KDM4B: variants seen among roughly 807,000 people sequenced by gnomAD.
The protein encoded by KDM4B is lysine-specific demethylase 4B.
A neutral mutation model predicts 125.2 loss-of-function variants in KDM4B; 32 were observed. The ratio of observed to expected loss-of-function variants is 0.26; its 90% CI spans 0.19 to 0.34. KDM4B has a LOEUF of 0.34. Ranked by LOEUF, KDM4B falls within the 10% of genes least tolerant of loss-of-function variation. KDM4B has a pLI of 1.00. For synonymous variants in KDM4B, 721 were observed against 677.9 expected (o/e 1.06, Z -0.99); for missense variants, 1,190 against 1,577.7 (o/e 0.75, Z 4.16).
chr19:5,126,892 G>C (rs576110305), intron 11 of KDM4B, among the ~76,000 whole-genome samples: 37 of 152,374 alleles, frequency 2.4e-4, no homozygotes, highest in African/African-American at 8.9e-4. Flanking sequence ...CGAAGCTGGT[G>C]AGTTGATCTC....
At position 5,060,407 on chromosome 19, in the gene KDM4B, T is replaced by C. The variant is rs1023510721; in HGVS notation, c.627-10603T>C. 3.5e-5 allele frequency among the ~76,000 whole-genome samples: 4 copies of C among 113,552 alleles called. No homozygotes were observed. The Admixed American group carries it at 4.1e-4, about 12-fold the overall frequency. 74.5% of individuals were successfully genotyped at this position (113,552 alleles called of 152,430 possible). A position where few individuals can be genotyped will look rare whatever the true frequency, so the allele number is the denominator to read the frequency against. ...TGAGCCAAGATTGTCCCATCCAGCCTGGGTGACGGAGGAAGACTCTGTCTC... is the reference window on the plus strand; with the variant it reads ...TGAGCCAAGATTGTCCCATCCAGCCCGGGTGACGGAGGAAGACTCTGTCTC... On this transcript the variant is annotated intron_variant, in intron 6 of 22. Transcript: ENST00000159111.
chr19:5,039,347 C>T (rs1053913668), intron 3 of KDM4B, among the ~76,000 whole-genome samples: 4 of 152,086 alleles, frequency 2.6e-5, no homozygotes, highest in African/African-American at 9.7e-5. Flanking sequence ...CCCCACTACT[C>T]GGGAGGCTGA....
chr19:5,090,941 G>A (rs185469005), intron 9 of KDM4B, among the ~76,000 whole-genome samples: 1,551 of 152,126 alleles, frequency 0.01, 15 homozygotes, highest in Non-Finnish European at 0.017. Flanking sequence ...AGCTGGAGGG[G>A]TCTCCAAGGC....
chr19:4,991,589 C>T (rs2035033529), intron 1 of KDM4B, among the ~76,000 whole-genome samples: 2 of 152,242 alleles, frequency 1.3e-5, no homozygotes, highest in African/African-American at 4.8e-5. Context: ...AGGAAATTGA[C>T]ACAGGACACT....
At chr19:5,031,454 T>C (rs1195907865) in intron 2 of KDM4B, among the ~76,000 whole-genome samples, 1 of 152,204 alleles carries the variant, frequency 6.6e-6, no homozygotes, top group Non-Finnish European at 1.5e-5. Flanking sequence ...GGCTGCCCCA[T>C]GGGAGAAGCT....
At chr19:5,104,236 C>A (rs1209338276) in intron 9 of KDM4B, among the ~76,000 whole-genome samples, 1 of 152,192 alleles carries the variant, frequency 6.6e-6, no homozygotes, top group African/African-American at 2.4e-5. Flanking sequence ...TGGGCACCTG[C>A]CCCTTTCTGC....
Position 5,039,806 on chromosome 19 carries a change from G to C in KDM4B, c.142-30G>C, listed in dbSNP as rs760502389. The C allele has an allele frequency of 6.2e-6, 10 of 1,605,438 alleles. No individual in the cohort carries two copies. The East Asian group carries it at 2.0e-4, about 32-fold the overall frequency. On this transcript the variant is annotated intron_variant, in intron 3 of 22. Transcript: ENST00000159111. ...CTGGCCCTGCCCTGAGGGTCTGAGGGTGCCACTGACTCCCATCTTGGTCTT... is the reference window on the plus strand; with the variant it reads ...CTGGCCCTGCCCTGAGGGTCTGAGGCTGCCACTGACTCCCATCTTGGTCTT...
rs186421439 is a variant in KDM4B, at chr19:5,058,788, G to A, written c.626+11119G>A. 2.7e-3 allele frequency among the ~76,000 whole-genome samples: 406 copies of A among 152,338 alleles called. 1 individual carries two copies. The highest frequency in any genetic ancestry group is 9.4e-3 in the African/African-American group (390 of 41,576). ...GGAGTGGCAGTGCACACGCTGGCTC[G>A]TGTCGCTTGTGAGGCTGCAGGATTT... On this transcript the variant is annotated intron_variant, in intron 6 of 22. Transcript: ENST00000159111.
chr19:5,098,134 G>A (rs1450564380), intron 9 of KDM4B, among the ~76,000 whole-genome samples: 1 of 152,244 alleles, frequency 6.6e-6, no homozygotes, highest in Admixed American at 6.5e-5. Flanking sequence ...GGCTTCCTCA[G>A]TGTGTAGCCT....
chr19:5,066,963 C>T lies in KDM4B; in HGVS notation c.627-4047C>T, dbSNP rs532972923. Among the ~76,000 whole-genome samples the T allele has an allele frequency of 5.3e-5, 8 of 152,234 alleles. No homozygotes were observed. In the East Asian group the frequency reaches 1.4e-3, roughly 26 times the overall value. On this transcript the variant is annotated intron_variant, in intron 6 of 22. Coordinates refer to ENST00000159111, the MANE Select transcript of KDM4B (RefSeq NM_015015.3). ...CCCGGGTCCTGGGTCCTGGGTCCCG[C>T]GTCCTGCGTCCCGGCCGATGTGAGT...
chr19:4,982,716 G>A (rs1054964001), intron 1 of KDM4B, among the ~76,000 whole-genome samples: 1 of 151,742 alleles, frequency 6.6e-6, no homozygotes, highest in Non-Finnish European at 1.5e-5. Context: ...GGGTTCAAGC[G>A]ATTCTCCTGT....
rs1306487058 is a variant in KDM4B at position 5,035,234 on chromosome 19, C to T, written c.141+2203C>T. Among the ~76,000 whole-genome samples, 2 of 152,150 alleles carry T rather than the reference C, an allele frequency of 1.3e-5. No homozygotes were observed. The highest frequency in any genetic ancestry group is 1.5e-5 in the Non-Finnish European group (1 of 68,026). ...GGGCAGGTGGGACAGGCGTCGCCTC[C>T]CTTTATCCTGGCACCGCATCTGCCT... is the stretch of plus-strand genomic sequence containing the variant. On this transcript the variant is annotated intron_variant, in intron 3 of 22. Transcript: ENST00000159111. The surrounding 1 kb of genome is among the most constrained non-coding windows in gnomAD (Gnocchi z 5.3).
intron 9 of KDM4B, among the ~76,000 whole-genome samples, chr19:5,096,524 T>A (rs1157158392): frequency 6.6e-6 from 1 of 152,160 alleles, no homozygotes; most frequent in Non-Finnish European, 1.5e-5. Flanking sequence ...TCAGTGCCCC[T>A]GCCCAGACCC....
rs1347938228 is a variant in KDM4B at position 5,144,896 on chromosome 19, C to T, written c.3015C>T (p.Ile1005=). 8.7e-6 allele frequency: 14 copies of T among 1,613,240 alleles called. No individual in the cohort carries two copies. The highest frequency in any genetic ancestry group is 1.2e-5 in the Non-Finnish European group (14 of 1,179,792). Residue 1005 remains isoleucine (I), a synonymous_variant, in exon 21 of 23, where the codon ATC becomes ATT. Transcript: ENST00000159111. ...AKFISSVTSH[I]YQVEFEDGSQ... Reference sequence around the variant, plus strand: ...TCATCTCCTCCGTCACCAGCCACATCTACCAGGTAAGCGGGGGATCTGGCA... The same window carrying T: ...TCATCTCCTCCGTCACCAGCCACATTTACCAGGTAAGCGGGGGATCTGGCA...
At chr19:5,025,051 C>T (rs2036235837) in intron 2 of KDM4B, among the ~76,000 whole-genome samples, 1 of 152,242 alleles carries the variant, frequency 6.6e-6, no homozygotes, top group African/African-American at 2.4e-5. Context: ...ACTCAGAAGG[C>T]TGCTCTTGGG....
At chr19:5,065,543 C>G (rs2037741118) in intron 6 of KDM4B, among the ~76,000 whole-genome samples, 1 of 152,216 alleles carries the variant, frequency 6.6e-6, no homozygotes, top group Admixed American at 6.5e-5. Flanking sequence ...TTATTCACAT[C>G]CATCAAGCCA....
chr19:5,097,544 C>T (rs912791323), intron 9 of KDM4B, among the ~76,000 whole-genome samples: 4 of 152,212 alleles, frequency 2.6e-5, no homozygotes, highest in South Asian at 4.1e-4. Flanking sequence ...TGAGCCGCCG[C>T]GCCTGGCCTG....
intron 2 of KDM4B, among the ~76,000 whole-genome samples, chr19:5,027,024 T>C (rs2036301230): frequency 6.6e-6 from 1 of 152,202 alleles, no homozygotes; most frequent in African/African-American, 2.4e-5. Context: ...CGAGGCCTCC[T>C]TTGGCCCAGC....
chr19:4,994,020 G>GTTTTTTTTTTTTTTTTTTT (rs55641886), intron 1 of KDM4B, among the ~76,000 whole-genome samples: 7 of 66,706 alleles, frequency 1.0e-4, no homozygotes, highest in Non-Finnish European at 1.1e-4. Context: ...TTTTCAGCCT[G>GTTTTTTTTTTTTTTTTTTT]TTTTTTTTTT....
Sources: gnomAD v4.1 joint callset for allele counts (sites outside exome capture counted in the v4.1 genomes callset) on GRCh38, gnomAD v4.1.1 for gene constraint, Gnocchi (gnomAD v3.1) non-coding constraint, MANE v1.5 for transcripts, NCBI Gene and HGNC (gene_info 2026-07-23, HGNC 2026-07-21) for gene names.